BBS9: variants seen among roughly 807,000 people sequenced by gnomAD.
BBS9 encodes protein PTHB1.
In BBS9, 89 loss-of-function variants were observed where a neutral mutation model predicts 117.7. The ratio of observed to expected loss-of-function variants is 0.76; its 90% CI spans 0.64 to 0.90. The LOEUF is 0.90. Ranked by LOEUF, BBS9 falls within the 40% of genes least tolerant of loss-of-function variation. BBS9 has a pLI of 0.00. For synonymous variants in BBS9, 379 were observed against 370.9 expected, an observed-to-expected ratio of 1.02 and a Z score of -0.25; for missense variants, 982 against 1,042.2, an observed-to-expected ratio of 0.94 and a Z score of 0.80.
intron 5 of BBS9, among the ~76,000 whole-genome samples, chr7:33,183,011 C>T (rs1330058200): frequency 6.6e-6 from 1 of 152,152 alleles, no homozygotes; most frequent in Non-Finnish European, 1.5e-5. Flanking sequence ...CTGATCCAAA[C>T]ATGGAAAGAG....
chr7:33,304,480 G>A (rs1018209470), intron 9 of BBS9, among the ~76,000 whole-genome samples: 1 of 151,652 alleles, frequency 6.6e-6, no homozygotes, highest in South Asian at 2.1e-4. Context: ...TCTGGGAAAT[G>A]AGGAGCGCCT....
At chr7:33,518,127 C>T (rs1168096699) in intron 20 of BBS9, among the ~76,000 whole-genome samples, 1 of 151,802 alleles carries the variant, frequency 6.6e-6, no homozygotes, top group Non-Finnish European at 1.5e-5. Flanking sequence ...AATAATTCTT[C>T]ATATTATTCT....
rs200806137 is a variant in BBS9 at position 33,303,528 on chromosome 7, CG to C, written c.1016+29573del. Among the ~76,000 whole-genome samples, 381 of 110,744 alleles carry C rather than the reference CG, an allele frequency of 3.4e-3. 12 individuals carry two copies. Among genetic ancestry groups the C allele is most frequent in the African/African-American group, 0.014 (356 of 25,094 alleles). The allele number at this position is 110,744 out of a possible 152,430, so 72.7% of individuals were successfully genotyped here. The stretch of plus-strand genomic sequence containing the variant: ...ATCAACTGAAATGATCCCCTCCCCC[CG>C]CCCCTTCTTTCTTTGGTCTCCCTCT... On this transcript the variant is annotated intron_variant, in intron 9 of 22. Transcript: ENST00000242067.
chr7:33,174,925 T>C (rs946955233), intron 4 of BBS9, among the ~76,000 whole-genome samples: 2 of 152,236 alleles, frequency 1.3e-5, no homozygotes, highest in African/African-American at 4.8e-5. Flanking sequence ...TACTACCATT[T>C]AGAATCCAGA....
chr7:33,296,926 C>T (rs1805396763), intron 9 of BBS9, among the ~76,000 whole-genome samples: 1 of 152,122 alleles, frequency 6.6e-6, no homozygotes, highest in Non-Finnish European at 1.5e-5. Flanking sequence ...GTGCCAGTAA[C>T]ATTTACTCTT....
chr7:33,605,208 C>A lies in BBS9; in HGVS notation c.2646C>A (p.Leu882=), dbSNP rs61753527. 1.6e-3 allele frequency: 2,501 copies of A among 1,612,776 alleles called. 1 individual carries two copies. Among genetic ancestry groups the A allele is most frequent in the Non-Finnish European group, 2.0e-3 (2,329 of 1,178,800 alleles). ...CTTTTTTTCCAGAAGTTTCACCCCTCCAAGGAGTCTCGGAATAATTCAAGT... is the reference window on the plus strand; with the variant it reads ...CTTTTTTTCCAGAAGTTTCACCCCTACAAGGAGTCTCGGAATAATTCAAGT... ...AETPRPEVSP[L]QGVSE The change falls in exon 23 of 23, where the codon CTC becomes CTA. Residue 882 remains leucine (L), a synonymous_variant. Transcript: ENST00000242067.
intron 5 of BBS9, among the ~76,000 whole-genome samples, chr7:33,181,152 C>T (rs1365009061): frequency 2.6e-5 from 4 of 152,060 alleles, no homozygotes; most frequent in Non-Finnish European, 5.9e-5. Context: ...ACCAGCATGC[C>T]GATGCCAAGA....
Position 33,200,449 on chromosome 7 carries a change from C to T in BBS9, c.442+22858C>T, listed in dbSNP as rs533317552. ...CATGATTCTAAAAGTTAAACACATA[C>T]TTTGTTTGAATTATGTAAATATTAC... On this transcript the variant is annotated intron_variant, in intron 5 of 22. Coordinates refer to ENST00000242067, the MANE Select transcript of BBS9 (RefSeq NM_198428.3). Among the ~76,000 whole-genome samples, 74 of 152,238 alleles carry T rather than the reference C, an allele frequency of 4.9e-4. 1 individual carries two copies. Among genetic ancestry groups the T allele is most frequent in the Admixed American group, 4.8e-3 (74 of 15,298 alleles).
intron 5 of BBS9, among the ~76,000 whole-genome samples, chr7:33,206,458 G>C (rs190872288): frequency 1.1e-4 from 16 of 152,000 alleles, no homozygotes; most frequent in Non-Finnish European, 1.5e-5. Flanking sequence ...TTTCTCTGAG[G>C]TTAAAAATAA....
chr7:33,328,993 T>TTTATTTA (rs1554422527), intron 9 of BBS9, among the ~76,000 whole-genome samples: 1 of 145,364 alleles, frequency 6.9e-6, no homozygotes, highest in Non-Finnish European at 1.5e-5. Context: ...GTTTTCCTTC[T>TTTATTTA]TTTATTTATT....
At chr7:33,239,456 CT>C (rs1794097140) in intron 5 of BBS9, among the ~76,000 whole-genome samples, 2 of 151,774 alleles carry the variant, frequency 1.3e-5, no homozygotes, top group African/African-American at 4.8e-5. Flanking sequence ...TGTCACCAGG[CT>C]GGAGTGCAGT....
intron 21 of BBS9, among the ~76,000 whole-genome samples, chr7:33,594,833 A>G (rs147003103): frequency 2.2e-4 from 34 of 152,174 alleles, no homozygotes; most frequent in African/African-American, 7.5e-4. Flanking sequence ...AGAATCTCCT[A>G]TATATATGTT....
At chr7:33,630,612 C>T (rs1343228664) in intron 21 of BBS9, among the ~76,000 whole-genome samples, 1 of 152,178 alleles carries the variant, frequency 6.6e-6, no homozygotes, top group African/African-American at 2.4e-5. Flanking sequence ...CAGTCCCCTG[C>T]TGAAGAGTCT....
intron 21 of BBS9, among the ~76,000 whole-genome samples, chr7:33,604,163 G>A (rs943172790): frequency 1.3e-5 from 2 of 152,146 alleles, no homozygotes; most frequent in African/African-American, 4.8e-5. Flanking sequence ...GTCAAATCAA[G>A]TTGCAGATGT....
intron 21 of BBS9, among the ~76,000 whole-genome samples, chr7:33,614,903 A>G (rs985211998): frequency 1.3e-5 from 2 of 152,074 alleles, no homozygotes; most frequent in African/African-American, 4.8e-5. Context: ...AAGTGAAACT[A>G]TTTTCCAGAG....
At chr7:33,196,382 C>T (rs1185042504) in intron 5 of BBS9, among the ~76,000 whole-genome samples, 2 of 152,152 alleles carry the variant, frequency 1.3e-5, no homozygotes, top group Non-Finnish European at 2.9e-5. Context: ...CTTCCCAAAG[C>T]TGTCTGGTTT....
At chr7:33,377,199 A>T (rs1270234807) in intron 17 of BBS9, among the ~76,000 whole-genome samples, 1 of 152,158 alleles carries the variant, frequency 6.6e-6, no homozygotes, top group South Asian at 2.1e-4. Flanking sequence ...TAAGTCTTTA[A>T]CCCATCTTGA....
intron 16 of BBS9, among the ~76,000 whole-genome samples, chr7:33,365,104 T>G (rs1356690574): frequency 6.6e-6 from 1 of 152,088 alleles, no homozygotes; most frequent in East Asian, 1.9e-4. Context: ...TTTTCTTTTT[T>G]TTCCTGGTTT....
intron 9 of BBS9, among the ~76,000 whole-genome samples, chr7:33,328,644 C>G (rs1208656609): frequency 6.6e-6 from 1 of 152,118 alleles, no homozygotes; most frequent in African/African-American, 2.4e-5. Context: ...TAGTAAAAAC[C>G]AGACTTTGAC....
Sources: allele counts gnomAD v4.1 joint callset (sites outside exome capture counted in the v4.1 genomes callset), GRCh38; gene constraint gnomAD v4.1.1; transcripts MANE v1.5; gene names NCBI Gene and HGNC (gene_info 2026-07-23, HGNC 2026-07-21).